The following OR52K1 variants were observed in gnomAD, a reference collection of about 807,000 sequenced individuals.
OR52K1 encodes olfactory receptor family 52 subfamily K member 1, also known as olfactory receptor 52K1.
OR52K1 carries 10 observed loss-of-function variants against 8.7 expected under a neutral mutation model. That is an observed-to-expected ratio of 1.15 (90% CI 0.71 to 1.95). The LOEUF is 1.95. Among genes scored for constraint, OR52K1 ranks in the 30% most tolerant of loss-of-function variants. The probability of loss-of-function intolerance (pLI) is 0.00; values close to 1 mark genes in which losing one functional copy is unlikely to be tolerated. For missense variants in OR52K1, 431 were observed against 397.2 expected (o/e 1.08, Z -0.72); for synonymous variants, 203 against 148.5 (o/e 1.37, Z -2.67).
chr11:4,489,517 T>C lies in OR52K1; in HGVS notation c.617T>C (p.Met206Thr), dbSNP rs377296491. 6 of 1,614,110 alleles carry C rather than the reference T, an allele frequency of 3.7e-6. No homozygotes were observed. Among genetic ancestry groups the C allele is most frequent in the Non-Finnish European group, 5.1e-6 (6 of 1,180,050 alleles). Residue 206 changes from methionine (M) to threonine (T), a missense_variant, in exon 2 of 2, where the codon ATG becomes ACG. Physicochemically the swap from Met to Thr is moderately conservative, Grantham distance 81 (BLOSUM62 -1). Coordinates refer to ENST00000641528, the MANE Select transcript of OR52K1 (RefSeq NM_001005171.3). ...AATATCTATGGCATTGCTGTGGCCA[T>C]GTTTATTGTGGTGTTGGACCTGCTC... ...FNNIYGIAVAMFIVVLDLLFV... is the reference protein window; with the variant it reads ...FNNIYGIAVATFIVVLDLLFV...
rs2133109440 is a variant in OR52K1, at chr11:4,490,874, T to C, written c.*1029T>C. ...TATTAAGCCTAGTATTCATTAGCTA[T>C]TTTTCTGTTTAAATACACAAATACT... On this transcript the variant is annotated 3_prime_UTR_variant, in exon 2 of 2. Coordinates refer to ENST00000641528, the MANE Select transcript of OR52K1 (RefSeq NM_001005171.3). The C allele has an allele frequency of 6.6e-6, 1 of 152,346 alleles. No individual in the cohort carries two copies. Among genetic ancestry groups the C allele is most frequent in the Non-Finnish European group, 1.5e-5 (1 of 68,032 alleles). The allele number at this position is 152,346 out of a possible 1,614,324, so 9.4% of individuals were successfully genotyped here.
chr11:4,488,857 G>T lies in OR52K1; in HGVS notation c.-44G>T. ...ATACTGTAGAAGGTATATATAGAAGGTGAAGAAGCCCTGTAAAAATTGACA... is the reference window on the plus strand; with the variant it reads ...ATACTGTAGAAGGTATATATAGAAGTTGAAGAAGCCCTGTAAAAATTGACA... On this transcript the variant is annotated 5_prime_UTR_variant, in exon 2 of 2. Transcript: ENST00000641528. The T allele has an allele frequency of 1.5e-6, 2 of 1,373,756 alleles. No individual in the cohort carries two copies. The highest frequency in any genetic ancestry group is 4.6e-5 in the East Asian group (2 of 43,822). 85.1% of individuals were successfully genotyped at this position (1,373,756 alleles called of 1,614,324 possible). A position where few individuals can be genotyped will look rare whatever the true frequency, so the allele number is the denominator to read the frequency against.
chr11:4,487,215 T>G (rs1214963956), intron 1 of OR52K1, among the ~76,000 whole-genome samples: 2 of 152,174 alleles, frequency 1.3e-5, no homozygotes, highest in Non-Finnish European at 2.9e-5. Flanking sequence ...GGGAGGAGGA[T>G]TTAATGTCAC....
chr11:4,489,769 A>G lies in OR52K1; in HGVS notation c.869A>G (p.Asn290Ser), dbSNP rs1224965447. 2 of 1,614,080 alleles carry G rather than the reference A, an allele frequency of 1.2e-6. No homozygotes were observed. Among genetic ancestry groups the G allele is most frequent in the Admixed American group, 1.7e-5 (1 of 60,020 alleles). ...TATCTCCTTTTCCCACCCATGGTCA[A>G]TCCTATCATATATGGAGTCAAGACC... ...IFYLLFPPMV[N>S]PIIYGVKTKQ... Residue 290 changes from asparagine (N) to serine (S), a missense_variant, in exon 2 of 2, where the codon AAT becomes AGT. Coordinates refer to ENST00000641528, the MANE Select transcript of OR52K1 (RefSeq NM_001005171.3).
At position 4,482,702 on chromosome 11, in the gene OR52K1, C is replaced by G. The variant is rs1303873228; in HGVS notation, c.-803C>G. Reference sequence around the variant, plus strand: ...CTGCATGAAGCTAATGAAAAGGGCCCAGGATTGTAAGTCAGACTGAGGACT... The same window carrying G: ...CTGCATGAAGCTAATGAAAAGGGCCGAGGATTGTAAGTCAGACTGAGGACT... On this transcript the variant is annotated 5_prime_UTR_variant, in exon 1 of 2. Coordinates refer to ENST00000641528, the MANE Select transcript of OR52K1 (RefSeq NM_001005171.3). 1 of 155,018 alleles carries G rather than the reference C, an allele frequency of 6.5e-6. No homozygotes were observed. Among genetic ancestry groups the G allele is most frequent in the Non-Finnish European group, 1.4e-5 (1 of 70,002 alleles). 9.6% of individuals were successfully genotyped at this position (155,018 alleles called of 1,614,324 possible).
Position 4,488,958 on chromosome 11 carries a change from C to A in OR52K1, c.58C>A (p.Pro20Thr), listed in dbSNP as rs1176924173. 3.1e-6 allele frequency: 5 copies of A among 1,614,018 alleles called. No homozygotes were observed. Among genetic ancestry groups the A allele is most frequent in the Non-Finnish European group, 4.2e-6 (5 of 1,180,018 alleles). Residue 20 changes from proline (P) to threonine (T), a missense_variant, in exon 2 of 2, where the codon CCT (proline) becomes ACT (threonine). Transcript: ENST00000641528. ...AGCTGTCTTTTTGTTGGTAGGAATT[C>A]CTGGTTTGGAACACCTGCATGCCTG... is the stretch of plus-strand genomic sequence containing the variant. ...HPAVFLLVGI[P>T]GLEHLHAWIS...
At chr11:4,485,660 G>C (rs1327861546) in intron 1 of OR52K1, among the ~76,000 whole-genome samples, 3 of 152,004 alleles carry the variant, frequency 2.0e-5, no homozygotes, top group Non-Finnish European at 4.4e-5. Context: ...TCCCTTCCTT[G>C]GATTCCTGCA....
rs1301206381 is a variant in OR52K1, at chr11:4,492,892, G to C, written c.*3047G>C. On this transcript the variant is annotated 3_prime_UTR_variant, in exon 2 of 2. Transcript: ENST00000641528. ...AGATGCAGAGACCGGTAGTGGCCCC[G>C]AATGCCTGGCTGCACTGTTATTTAT... is the stretch of plus-strand genomic sequence containing the variant. 5.2e-6 allele frequency: 1 copy of C among 193,584 alleles called. No homozygotes were observed. Among genetic ancestry groups the C allele is most frequent in the East Asian group, 1.6e-4 (1 of 6,262 alleles). The allele number at this position is 193,584 out of a possible 1,614,324, so 12.0% of individuals were successfully genotyped here.
rs1334922189 is a variant in OR52K1 at position 4,482,970 on chromosome 11, C to G, written c.-535C>G. 2.5e-6 allele frequency: 1 copy of G among 393,848 alleles called. No individual in the cohort carries two copies. Among genetic ancestry groups the G allele is most frequent in the South Asian group, 1.4e-4 (1 of 7,008 alleles). 24.4% of individuals were successfully genotyped at this position (393,848 alleles called of 1,614,324 possible). ...CAAACTCCAGATGCTCTCCCCACCA[C>G]AGAGGATGCCTGCTTCCGTCCTATG... On this transcript the variant is annotated 5_prime_UTR_variant, in exon 1 of 2. Coordinates refer to ENST00000641528, the MANE Select transcript of OR52K1 (RefSeq NM_001005171.3).
At position 4,488,804 on chromosome 11, in the gene OR52K1, G is replaced by T. The variant is rs931575434; in HGVS notation, c.-97G>T. On this transcript the variant is annotated 5_prime_UTR_variant, in exon 2 of 2. Transcript: ENST00000641528. ...AACAAGAGGTAATCTTTGCAGGTGG[G>T]ATAGCACAGGTTGAACTCTAATCAT... The T allele has an allele frequency of 6.0e-6, 5 of 831,934 alleles. No individual in the cohort carries two copies. The African/African-American group carries it at 8.5e-5, about 14-fold the overall frequency. The allele number at this position is 831,934 out of a possible 1,614,324, so 51.5% of individuals were successfully genotyped here.
At position 4,488,622 on chromosome 11, in the gene OR52K1, C is replaced by A. The variant is rs1002641439; in HGVS notation, c.-279C>A. On this transcript the variant is annotated 5_prime_UTR_variant, in exon 2 of 2. Coordinates refer to ENST00000641528, the MANE Select transcript of OR52K1 (RefSeq NM_001005171.3). ...CAGAAAACACTACATATACTCCATT[C>A]CTTTATGAAAGTTGTCTTAGAATAT... 15 of 400,232 alleles carry A rather than the reference C, an allele frequency of 3.7e-5. No individual in the cohort carries two copies. The highest frequency in any genetic ancestry group is 4.9e-5 in the Non-Finnish European group (11 of 223,850). The allele number at this position is 400,232 out of a possible 1,614,324, so 24.8% of individuals were successfully genotyped here.
At position 4,488,881 on chromosome 11, in the gene OR52K1, C is replaced by T. The variant is rs753447685; in HGVS notation, c.-20C>T. ...GGTGAAGAAGCCCTGTAAAAATTGA[C>T]AAGGAGATTTCCAGGAGCCATGCTT... On this transcript the variant is annotated 5_prime_UTR_variant, in exon 2 of 2. Coordinates refer to ENST00000641528, the MANE Select transcript of OR52K1 (RefSeq NM_001005171.3). 4.2e-5 allele frequency: 66 copies of T among 1,578,928 alleles called. No individual in the cohort carries two copies. In the East Asian group the frequency reaches 8.7e-4, roughly 21 times the overall value.
chr11:4,488,786 G>C lies in OR52K1; in HGVS notation c.-115G>C. 1 of 724,458 alleles carries C rather than the reference G, an allele frequency of 1.4e-6. No homozygotes were observed. The highest frequency in any genetic ancestry group is 2.4e-6 in the Non-Finnish European group (1 of 421,250). 44.9% of individuals were successfully genotyped at this position (724,458 alleles called of 1,614,324 possible). ...TTAAAGTCTAGCAATGGAAACAAGA[G>C]GTAATCTTTGCAGGTGGGATAGCAC... On this transcript the variant is annotated 5_prime_UTR_variant, in exon 2 of 2. Coordinates refer to ENST00000641528, the MANE Select transcript of OR52K1 (RefSeq NM_001005171.3).
At chr11:4,484,252 G>A (rs1415172183) in intron 1 of OR52K1, among the ~76,000 whole-genome samples, 2 of 152,168 alleles carry the variant, frequency 1.3e-5, no homozygotes, top group African/African-American at 4.8e-5. Context: ...AGAACAAAGT[G>A]GAACTTTGTG....
intron 1 of OR52K1, among the ~76,000 whole-genome samples, chr11:4,484,642 T>G (rs920978490): frequency 6.6e-6 from 1 of 151,914 alleles, no homozygotes; most frequent in Non-Finnish European, 1.5e-5. Flanking sequence ...ATGTAAGGTA[T>G]GTAAATTTGT....
intron 1 of OR52K1, among the ~76,000 whole-genome samples, chr11:4,486,954 A>T (rs1846325682): frequency 6.6e-6 from 1 of 152,180 alleles, no homozygotes. Context: ...ACACGAGAAA[A>T]GTGAGTTTTA....
intron 1 of OR52K1, among the ~76,000 whole-genome samples, chr11:4,483,557 A>G (rs574455768): frequency 6.6e-5 from 10 of 152,362 alleles, no homozygotes; most frequent in African/African-American, 2.4e-4. Context: ...TGAACTTCAA[A>G]GGAAGTAAGA....
At chr11:4,487,399 A>G (rs987937221) in intron 1 of OR52K1, among the ~76,000 whole-genome samples, 5 of 152,232 alleles carry the variant, frequency 3.3e-5, no homozygotes, top group Admixed American at 3.3e-4. Flanking sequence ...TACCTTTAAC[A>G]GAGAAGGAAA....
intron 1 of OR52K1, among the ~76,000 whole-genome samples, chr11:4,487,513 G>C (rs1047829108): frequency 3.3e-5 from 5 of 151,382 alleles, no homozygotes; most frequent in Non-Finnish European, 7.3e-5. Flanking sequence ...CAAATGTTAT[G>C]GAAGGAAGTT....
Sources: gnomAD v4.1 joint callset for allele counts (sites outside exome capture counted in the v4.1 genomes callset) on GRCh38, gnomAD v4.1.1 for gene constraint, MANE v1.5 for transcripts, NCBI Gene and HGNC (gene_info 2026-07-23, HGNC 2026-07-21) for gene names.